CLMP: variants seen among roughly 807,000 people sequenced by gnomAD.
The protein encoded by CLMP is CXADR like cell adhesion molecule, also known as CXADR-like membrane protein.
Under a neutral mutation model 45.2 loss-of-function variants are expected in CLMP, and 27 were observed. The ratio of observed to expected loss-of-function variants is 0.60; its 90% confidence interval spans 0.44 to 0.82. The LOEUF is 0.82. CLMP is among the 40% of genes least tolerant of loss of function. The probability of loss-of-function intolerance (pLI) is 0.00; values close to 1 mark genes in which losing one functional copy is unlikely to be tolerated. For synonymous variants in CLMP, 167 were observed against 171.4 expected (o/e 0.97, Z 0.20); for missense variants, 403 against 448.4 (o/e 0.90, Z 0.91).
chr11:123,097,392 C>A (rs974879508), intron 2 of CLMP, among the ~76,000 whole-genome samples: 5 of 151,906 alleles, frequency 3.3e-5, no homozygotes, highest in African/African-American at 4.8e-5. Context: ...GGCTGGAGTG[C>A]AGTGGCATGA....
chr11:123,112,678 A>G (rs1373372980), intron 1 of CLMP, among the ~76,000 whole-genome samples: 1 of 151,916 alleles, frequency 6.6e-6, no homozygotes, highest in African/African-American at 2.4e-5. Flanking sequence ...GGCAGCTGAA[A>G]TGTATCAAGT....
chr11:123,176,861 C>T (rs1278971234), intron 1 of CLMP, among the ~76,000 whole-genome samples: 1 of 152,298 alleles, frequency 6.6e-6, no homozygotes, highest in Middle Eastern at 3.4e-3. Flanking sequence ...CTATGCTCAG[C>T]TCTAAGTCCT....
intron 1 of CLMP, among the ~76,000 whole-genome samples, chr11:123,155,854 G>A (rs574171063): frequency 2.0e-4 from 30 of 152,260 alleles, no homozygotes; most frequent in Non-Finnish European, 3.7e-4. Context: ...TTGAATTGCT[G>A]TCTGCGGGAA....
At chr11:123,106,414 TGTGTGTGTGTGCGCGCGCGCGC>T (rs772518927) in intron 1 of CLMP, among the ~76,000 whole-genome samples, 11,075 of 129,016 alleles carry the variant, frequency 0.086, 529 homozygotes, top group East Asian at 0.17. Flanking sequence ...TGTGTGTGTG[TGTGTGTGTGTGCGCGCGCGCGC>T]GCGCACGTGC....
intron 2 of CLMP, among the ~76,000 whole-genome samples, chr11:123,088,003 C>T (rs1055828528): frequency 3.3e-5 from 5 of 151,488 alleles, no homozygotes; most frequent in East Asian, 3.9e-4. Flanking sequence ...CTCCGCCTCC[C>T]GGGTTCAAGT....
chr11:123,150,488 G>GAAAGA (rs1263238542), intron 1 of CLMP, among the ~76,000 whole-genome samples: 1 of 47,840 alleles, frequency 2.1e-5, no homozygotes, highest in Admixed American at 2.2e-4. Context: ...AGAAAGGAAG[G>GAAAGA]AAGGAAGGAA....
chr11:123,184,153 G>T (rs907918213), intron 1 of CLMP, among the ~76,000 whole-genome samples: 1 of 152,092 alleles, frequency 6.6e-6, no homozygotes, highest in Admixed American at 6.5e-5. Context: ...GGAGTGCAGT[G>T]GTGTGATCTC....
chr11:123,077,084 C>T (rs1244296946), intron 5 of CLMP, among the ~76,000 whole-genome samples: 9 of 147,896 alleles, frequency 6.1e-5, no homozygotes, highest in South Asian at 4.3e-4. Flanking sequence ...CTGCAACCTC[C>T]GCGTCCCGGG....
intron 1 of CLMP, among the ~76,000 whole-genome samples, chr11:123,128,127 A>T (rs895234534): frequency 6.6e-6 from 1 of 151,954 alleles, no homozygotes; most frequent in Non-Finnish European, 1.5e-5. Context: ...TCAATTAATC[A>T]TAGTAATTCC....
chr11:123,189,462 T>C (rs1447899656), intron 1 of CLMP, among the ~76,000 whole-genome samples: 3 of 152,178 alleles, frequency 2.0e-5, no homozygotes, highest in Non-Finnish European at 4.4e-5. Flanking sequence ...TCTCAAAGAG[T>C]GATTTGAGGT....
At chr11:123,184,532 G>A (rs1050904088) in intron 1 of CLMP, among the ~76,000 whole-genome samples, 3 of 152,224 alleles carry the variant, frequency 2.0e-5, no homozygotes, top group African/African-American at 4.8e-5. Flanking sequence ...GGAAGCAAAA[G>A]AGGAAAGGAG....
intron 1 of CLMP, among the ~76,000 whole-genome samples, chr11:123,171,592 G>A (rs543414314): frequency 5.3e-5 from 8 of 151,856 alleles, no homozygotes; most frequent in Middle Eastern, 3.4e-3. Context: ...TAACAGGTGC[G>A]TGCCAACACA....
intron 1 of CLMP, among the ~76,000 whole-genome samples, chr11:123,162,016 T>TG (rs777669655): frequency 9.2e-5 from 14 of 152,212 alleles, no homozygotes; most frequent in Non-Finnish European, 1.8e-4. Context: ...ACCCCTGTGC[T>TG]GGCAACAGGA....
chr11:123,141,704 G>A (rs921407815), intron 1 of CLMP, among the ~76,000 whole-genome samples: 5 of 151,956 alleles, frequency 3.3e-5, no homozygotes, highest in Admixed American at 2.0e-4. Context: ...GAAATGCTAA[G>A]GTGTTTAGTG....
chr11:123,143,359 T>C (rs139384568), intron 1 of CLMP, among the ~76,000 whole-genome samples: 1 of 152,350 alleles, frequency 6.6e-6, no homozygotes, highest in African/African-American at 2.4e-5. Flanking sequence ...ATCTTCTGTC[T>C]TGCACATTTA....
In CLMP at chr11:123,167,165, G is replaced by A. The variant is rs183549808; in HGVS notation, c.28+27748C>T. Among the ~76,000 whole-genome samples, 299 of 152,280 alleles carry A rather than the reference G, an allele frequency of 2.0e-3. 3 individuals carry two copies. The highest frequency in any genetic ancestry group is 6.9e-3 in the African/African-American group (288 of 41,552). ...ATCTTATAGATCACTCTATGAAGAG[G>A]TATCATTATTATCGTCCTTTGTTTT... On this transcript the variant is annotated intron_variant, in intron 1 of 6. Coordinates refer to ENST00000448775, the MANE Select transcript of CLMP (RefSeq NM_024769.5).
intron 2 of CLMP, among the ~76,000 whole-genome samples, chr11:123,092,792 G>A (rs1034290838): frequency 6.0e-5 from 9 of 150,164 alleles, no homozygotes; most frequent in African/African-American, 9.8e-5. Context: ...TAGAGATGGG[G>A]TTTCACCATA....
At position 123,134,480 on chromosome 11, in the gene CLMP, T is replaced by TG. The variant is rs966145048; in HGVS notation, c.29-36529dup. On this transcript the variant is annotated intron_variant, in intron 1 of 6. Transcript: ENST00000448775. Reference sequence around the variant, plus strand: ...TGGTACTTAGGCAAAGGGGAGCCATTGGGGTTTTTAAGCAAGGGCATTTCA... The same window carrying TG: ...TGGTACTTAGGCAAAGGGGAGCCATTGGGGGTTTTTAAGCAAGGGCATTTCA... Among the ~76,000 whole-genome samples the TG allele has an allele frequency of 7.3e-5, 11 of 150,818 alleles. No individual in the cohort carries two copies. In the Admixed American group the frequency reaches 7.3e-4, roughly 10 times the overall value.
chr11:123,176,925 C>T (rs1049499619), intron 1 of CLMP, among the ~76,000 whole-genome samples: 1 of 152,158 alleles, frequency 6.6e-6, no homozygotes, highest in Non-Finnish European at 1.5e-5. Flanking sequence ...AACAAGTACC[C>T]ACTGAGTACC....
Sources: allele counts gnomAD v4.1 joint callset (sites outside exome capture counted in the v4.1 genomes callset), GRCh38; gene constraint gnomAD v4.1.1; transcripts MANE v1.5; gene names NCBI Gene and HGNC (gene_info 2026-07-23, HGNC 2026-07-21).